The following CCDC136 variants were observed in gnomAD, a reference collection of about 807,000 sequenced individuals.
CCDC136 encodes the protein coiled-coil domain containing 136.
CCDC136 carries 100 observed loss-of-function variants against 141.2 expected under a neutral mutation model. The ratio of observed to expected loss-of-function variants is 0.71; its 90% CI spans 0.60 to 0.84. CCDC136 has a LOEUF of 0.84. CCDC136 is among the 40% of genes least tolerant of loss of function. CCDC136 has a pLI of 0.00. For synonymous variants in CCDC136, 474 were observed against 531.9 expected, an observed-to-expected ratio of 0.89 and a Z score of 1.50; for missense variants, 1,206 against 1,379.4, an observed-to-expected ratio of 0.87 and a Z score of 1.99.
At chr7:128,791,926 C>A, upstream of CCDC136, 1 of 678,696 alleles carries the variant, frequency 1.5e-6, no homozygotes, top group Non-Finnish European at 2.0e-6. This position sits in a 1 kb window ranked among gnomAD's most constrained non-coding sequence, Gnocchi z 7.1. Flanking sequence ...GGGGAGCGGT[C>A]GCAGCCCTAC....
chr7:128,792,159 A>G lies in CCDC136; in HGVS notation c.-253A>G. 3.5e-6 allele frequency: 5 copies of G among 1,437,320 alleles called. No homozygotes were observed. Among genetic ancestry groups the G allele is most frequent in the Non-Finnish European group, 4.5e-6 (5 of 1,102,508 alleles). 89.0% of individuals were successfully genotyped at this position (1,437,320 alleles called of 1,614,324 possible). On this transcript the variant is annotated 5_prime_UTR_variant, in exon 1 of 18. Coordinates refer to ENST00000297788, the MANE Select transcript of CCDC136 (RefSeq NM_022742.5). ...GAGGCAGGGCTGAGAGGTGGCCGAG[A>G]GAGAGGAGTCGCAGAGCCGCCAGAG...
At chr7:128,803,815 C>CTTTT (rs547570254) in intron 4 of CCDC136, among the ~76,000 whole-genome samples, 1 of 135,226 alleles carries the variant, frequency 7.4e-6, no homozygotes, top group African/African-American at 2.8e-5. Context: ...GAAAGAATTC[C>CTTTT]TTTTTTTTTT....
At position 128,815,606 on chromosome 7, in the gene CCDC136, C is replaced by A. The variant is rs773889530; in HGVS notation, c.3046-8C>A. The A allele has an allele frequency of 1.3e-6, 2 of 1,549,788 alleles. No homozygotes were observed. Among genetic ancestry groups the A allele is most frequent in the Non-Finnish European group, 1.7e-6 (2 of 1,146,190 alleles). On this transcript the variant is annotated splice_polypyrimidine_tract_variant and splice_region_variant and intron_variant, in intron 15 of 17. Transcript: ENST00000297788. ...CAGCCGCCATCCTGCCCTACTCCCA[C>A]CCCACAGAGTCTGGAGGTAGTGCTG...
At chr7:128,800,708 T>C (rs1803892892) in intron 3 of CCDC136, among the ~76,000 whole-genome samples, 1 of 152,224 alleles carries the variant, frequency 6.6e-6, no homozygotes, top group Non-Finnish European at 1.5e-5. Flanking sequence ...AAATGCACAT[T>C]GTTTTAGGTC....
intron 14 of CCDC136, 90 bp from the exon 15 acceptor site, chr7:128,814,548 C>A: frequency 1.0e-6 from 1 of 971,244 alleles, no homozygotes. Context: ...GAGACAGTGA[C>A]CCCCAAGCAG....
chr7:128,809,355 A>AC (rs1805352034), intron 10 of CCDC136, 95 bp from the exon 11 acceptor site: 2 of 825,978 alleles, frequency 2.4e-6, no homozygotes. Context: ...GGAGAGGATC[A>AC]CAAGAGGCAG....
intron 4 of CCDC136, 50 bp from the exon 5 acceptor site, chr7:128,804,600 A>T (rs1181390258): frequency 1.8e-6 from 2 of 1,103,674 alleles, no homozygotes; most frequent in East Asian, 5.1e-5. Context: ...GCTGGTCATC[A>T]GTGCTTTCCT....
chr7:128,819,126 C>T (rs996349629), intron 17 of CCDC136, among the ~76,000 whole-genome samples: 1 of 152,226 alleles, frequency 6.6e-6, no homozygotes, highest in African/African-American at 2.4e-5. Flanking sequence ...CCTGTCACCC[C>T]CCAGAAGTCT....
intron 3 of CCDC136, 46 bp from the exon 4 acceptor site, chr7:128,801,139 GT>G: frequency 7.0e-7 from 1 of 1,435,486 alleles, no homozygotes; most frequent in South Asian, 1.2e-5. Flanking sequence ...AACATGGTAG[GT>G]TAGTTCACCT....
Position 128,812,064 on chromosome 7 carries a change from AC to A in CCDC136, c.2294del (p.Thr765MetfsTer90). ...NENCRKTYDT[T>X]VDDNESYYKS... is the part of the protein sequence containing the mutation. ...GAACTGTCGCAAGACTTATGATACC[AC>A]TGTGGATGACAATGAGAGCTATTAC... On this transcript the variant is annotated frameshift_variant, in exon 13 of 18. Coordinates refer to ENST00000297788, the MANE Select transcript of CCDC136 (RefSeq NM_022742.5). LOFTEE classifies it high-confidence loss of function. The A allele has an allele frequency of 6.2e-7, 1 of 1,614,056 alleles. No individual in the cohort carries two copies. The highest frequency in any genetic ancestry group is 8.5e-7 in the Non-Finnish European group (1 of 1,179,888).
Position 128,806,238 on chromosome 7 carries a change from A to G in CCDC136, c.1091A>G (p.Asn364Ser). The G allele has an allele frequency of 6.4e-7, 1 of 1,560,280 alleles. No individual in the cohort carries two copies. The highest frequency in any genetic ancestry group is 8.7e-7 in the Non-Finnish European group (1 of 1,149,614). Residue 364 changes from asparagine to serine, a missense_variant and splice_region_variant, in exon 8 of 18, where the codon AAT becomes AGT. Physicochemically the swap from Asn to Ser is conservative, Grantham distance 46. Transcript: ENST00000297788. Reference sequence around the variant, plus strand: ...CTACTCACATCCTCCCTACCACAGAATGAGGAGCTGAAGTCCAGACTCTGT... The same window carrying G: ...CTACTCACATCCTCCCTACCACAGAGTGAGGAGCTGAAGTCCAGACTCTGT... ...RFQTSHSVTQ[N>S]EELKSRLCTL...
Position 128,805,727 on chromosome 7 carries a change from G to A in CCDC136, c.949-34G>A. ...TCTTGGAGCATATGTGGTATCTGTAGTAAACAAGCCTCCCTGTTCCATTTC... is the reference window on the plus strand; with the variant it reads ...TCTTGGAGCATATGTGGTATCTGTAATAAACAAGCCTCCCTGTTCCATTTC... On this transcript the variant is annotated intron_variant, in intron 6 of 17. Transcript: ENST00000297788. The surrounding 1 kb of genome is among the most constrained non-coding windows in gnomAD (Gnocchi z 4.6). 1 of 1,607,204 alleles carries A rather than the reference G, an allele frequency of 6.2e-7. No individual in the cohort carries two copies. Among genetic ancestry groups the A allele is most frequent in the Non-Finnish European group, 8.5e-7 (1 of 1,176,570 alleles).
At position 128,805,703 on chromosome 7, in the gene CCDC136, C is replaced by A; in HGVS notation, c.949-58C>A. On this transcript the variant is annotated intron_variant, in intron 6 of 17. Coordinates refer to ENST00000297788, the MANE Select transcript of CCDC136 (RefSeq NM_022742.5). The surrounding 1 kb of genome is among the most constrained non-coding windows in gnomAD (Gnocchi z 4.6). The stretch of plus-strand genomic sequence containing the variant: ...GCGCCATGCTTTCCCCAAGCTTGTT[C>A]TTGGAGCATATGTGGTATCTGTAGT... 6.3e-7 allele frequency: 1 copy of A among 1,599,718 alleles called. No individual in the cohort carries two copies. Among genetic ancestry groups the A allele is most frequent in the South Asian group, 1.1e-5 (1 of 89,380 alleles).
At chr7:128,810,432 A>G (rs1805539634) in intron 12 of CCDC136, 66 bp downstream of exon 12, 3 of 1,195,198 alleles carry the variant, frequency 2.5e-6, no homozygotes, top group Non-Finnish European at 3.6e-6. Context: ...GAGAGTGGGC[A>G]CCGCCGAAGG....
chr7:128,808,713 T>G, intron 10 of CCDC136: 2 of 985,430 alleles, frequency 2.0e-6, no homozygotes, highest in South Asian at 9.4e-5. Flanking sequence ...CCTTTCTATA[T>G]CCAGGCTCAC....
Position 128,794,734 on chromosome 7 carries a change from A to G in CCDC136, c.312A>G (p.Ala104=). The change falls in exon 3 of 18, where the codon GCA becomes GCG. Residue 104 remains alanine, a synonymous_variant. Coordinates refer to ENST00000297788, the MANE Select transcript of CCDC136 (RefSeq NM_022742.5). This position sits in a 1 kb window ranked among gnomAD's most constrained non-coding sequence, Gnocchi z 4.3. ...EDERLASAQQ[A]EVFTKQIQQL... is the part of the protein sequence containing the mutation. ...AACGGCTAGCCAGCGCCCAGCAGGC[A>G]GAGGTGTTCACCAAGCAGATCCAGC... 2 of 1,551,712 alleles carry G rather than the reference A, an allele frequency of 1.3e-6. No homozygotes were observed. The highest frequency in any genetic ancestry group is 1.7e-6 in the Non-Finnish European group (2 of 1,146,982).
At position 128,821,194 on chromosome 7, in the gene CCDC136, A is replaced by C. The variant is rs1807392466; in HGVS notation, c.*6-605A>C. On this transcript the variant is annotated intron_variant, in intron 17 of 17. Transcript: ENST00000297788. The surrounding 1 kb of genome is among the most constrained non-coding windows in gnomAD (Gnocchi z 5.1). ...AGCATACTCTAGCACATGCACCAGG[A>C]AGTCAGTCAACATACCTGGTGATTA... Among the ~76,000 whole-genome samples the C allele has an allele frequency of 6.6e-6, 1 of 152,154 alleles. No homozygotes were observed. Among genetic ancestry groups the C allele is most frequent in the Admixed American group, 6.6e-5 (1 of 15,266 alleles).
rs773821430 is a variant in CCDC136, at chr7:128,814,894, CTGAGAGCGACCT to C, written c.3026_3037del (p.Ser1009_Glu1012del). On this transcript the variant is annotated inframe_deletion, in exon 15 of 18. Coordinates refer to ENST00000297788, the MANE Select transcript of CCDC136 (RefSeq NM_022742.5). ...GTGACCAAGCCATGCTCGGATACTT[CTGAGAGCGACCT>C]TGAGACCAGAAAGGTGAGTAGTAAC... 5.0e-6 allele frequency: 8 copies of C among 1,599,588 alleles called. No individual in the cohort carries two copies. Among genetic ancestry groups the C allele is most frequent in the South Asian group, 1.1e-5 (1 of 88,420 alleles).
At position 128,805,912 on chromosome 7, in the gene CCDC136, C is replaced by T. The variant is rs766945792; in HGVS notation, c.1089+11C>T. On this transcript the variant is annotated intron_variant, in intron 7 of 17. Transcript: ENST00000297788. This position sits in a 1 kb window ranked among gnomAD's most constrained non-coding sequence, Gnocchi z 4.6. ...CACAGTGTCACCCAGGTAAACACTG[C>T]CCGGGGAGGCATCTGGGGTGGGGGC... The T allele has an allele frequency of 3.1e-6, 5 of 1,613,538 alleles. No individual in the cohort carries two copies. Among genetic ancestry groups the T allele is most frequent in the Non-Finnish European group, 4.2e-6 (5 of 1,179,778 alleles).
Sources: allele counts gnomAD v4.1 joint callset (sites outside exome capture counted in the v4.1 genomes callset), GRCh38; gene constraint gnomAD v4.1.1; non-coding constraint Gnocchi (gnomAD v3.1); transcripts MANE v1.5; gene names NCBI Gene and HGNC (gene_info 2026-07-23, HGNC 2026-07-21).